CDH13: variants seen among roughly 807,000 people sequenced by gnomAD.
CDH13 encodes the protein cadherin 13, also known as cadherin-13.
CDH13 carries 24 observed loss-of-function variants against 63.8 expected under a neutral mutation model. That is an observed-to-expected ratio of 0.38 (90% confidence interval 0.27 to 0.53). The LOEUF is 0.53. Among genes scored for constraint, CDH13 ranks in the 20% least tolerant of loss-of-function variants. CDH13 has a pLI of 0.85. For missense variants in CDH13, 1,049 were observed against 903.1 expected (o/e 1.16, Z -2.07); for synonymous variants, 503 against 355.3 (o/e 1.42, Z -4.67).
At chr16:83,683,123 C>A (rs947798807) in intron 10 of CDH13, among the ~76,000 whole-genome samples, 1 of 152,220 alleles carries the variant, frequency 6.6e-6, no homozygotes, top group African/African-American at 2.4e-5. Context: ...GAACCTGTGA[C>A]TACAAAGACA....
intron 7 of CDH13, among the ~76,000 whole-genome samples, chr16:83,561,170 G>A (rs905111828): frequency 6.6e-6 from 1 of 152,016 alleles, no homozygotes; most frequent in African/African-American, 2.4e-5. Flanking sequence ...CTTCAGGCCG[G>A]GCGCAGTGGC....
At chr16:83,701,909 C>T (rs1412400048) in intron 10 of CDH13, among the ~76,000 whole-genome samples, 1 of 152,208 alleles carries the variant, frequency 6.6e-6, no homozygotes, top group African/African-American at 2.4e-5. Context: ...GGTTGATGTC[C>T]AGCTCTGCCA....
intron 5 of CDH13, among the ~76,000 whole-genome samples, chr16:83,344,268 A>C (rs1298555544): frequency 6.6e-6 from 1 of 152,176 alleles, no homozygotes; most frequent in Non-Finnish European, 1.5e-5. Flanking sequence ...TGAGATCTGA[A>C]AGTAGTTCCC....
At chr16:83,427,461 C>T (rs980856559) in intron 6 of CDH13, among the ~76,000 whole-genome samples, 1 of 152,138 alleles carries the variant, frequency 6.6e-6, no homozygotes, top group African/African-American at 2.4e-5. Flanking sequence ...GAATTCTCTT[C>T]TGGAGCCTCC....
At chr16:83,119,712 AAC>A (rs1437004154) in intron 3 of CDH13, among the ~76,000 whole-genome samples, 3 of 152,172 alleles carry the variant, frequency 2.0e-5, no homozygotes, top group Non-Finnish European at 4.4e-5. Context: ...CACACGCACA[AAC>A]ACAGAGAGTT....
chr16:82,695,292 C>A (rs535885304), intron 1 of CDH13, among the ~76,000 whole-genome samples: 1 of 152,254 alleles, frequency 6.6e-6, no homozygotes, highest in Admixed American at 6.5e-5. Context: ...CTTTCTGAAT[C>A]CTCAGATGTA....
At chr16:83,256,945 C>G (rs975389468) in intron 5 of CDH13, among the ~76,000 whole-genome samples, 2 of 151,946 alleles carry the variant, frequency 1.3e-5, no homozygotes, top group Non-Finnish European at 1.5e-5. Flanking sequence ...TTGTTGCTCG[C>G]CTGCTATATG....
intron 6 of CDH13, among the ~76,000 whole-genome samples, chr16:83,351,950 C>G (rs1366066021): frequency 1.3e-5 from 2 of 152,206 alleles, no homozygotes; most frequent in East Asian, 3.8e-4. Flanking sequence ...GGTCATTTCA[C>G]TAGCTGTTTT....
At chr16:83,458,531 T>C (rs1163831902) in intron 6 of CDH13, among the ~76,000 whole-genome samples, 1 of 152,236 alleles carries the variant, frequency 6.6e-6, no homozygotes, top group African/African-American at 2.4e-5. Flanking sequence ...GAGTTCATCT[T>C]ATAACTCATC....
At chr16:83,193,751 G>C (rs1597494349) in intron 4 of CDH13, among the ~76,000 whole-genome samples, 1 of 152,148 alleles carries the variant, frequency 6.6e-6, no homozygotes, top group Non-Finnish European at 1.5e-5. Context: ...GGTAGAAAAA[G>C]AATTCACCTT....
At chr16:83,056,635 A>G (rs904677821) in intron 3 of CDH13, among the ~76,000 whole-genome samples, 1 of 152,200 alleles carries the variant, frequency 6.6e-6, no homozygotes, top group African/African-American at 2.4e-5. Context: ...GAACTAATCT[A>G]TATTGAGCCA....
intron 1 of CDH13, among the ~76,000 whole-genome samples, chr16:82,688,085 T>C (rs1312894605): frequency 6.6e-6 from 1 of 152,118 alleles, no homozygotes; most frequent in African/African-American, 2.4e-5. Flanking sequence ...GATTTTACCT[T>C]TTTGTGAAGC....
intron 6 of CDH13, among the ~76,000 whole-genome samples, chr16:83,397,091 C>A (rs190291709): frequency 1.3e-5 from 2 of 152,150 alleles, no homozygotes; most frequent in Admixed American, 1.3e-4. Flanking sequence ...CTGATCTCAC[C>A]GCCGCCCCCT....
chr16:83,671,103 A>G, intron 9 of CDH13, 131 bp downstream of exon 9: 4 of 785,186 alleles, frequency 5.1e-6, no homozygotes, highest in Non-Finnish European at 8.1e-6. Context: ...GGAATTAACA[A>G]AGGAAAAGGC....
intron 10 of CDH13, among the ~76,000 whole-genome samples, chr16:83,729,709 G>C (rs1351088815): frequency 6.6e-6 from 1 of 152,194 alleles, no homozygotes; most frequent in Non-Finnish European, 1.5e-5. Context: ...CCCATGTAAA[G>C]TGCTTGGAAA....
chr16:82,938,737 A>C (rs2042743602), intron 2 of CDH13, among the ~76,000 whole-genome samples: 4 of 152,224 alleles, frequency 2.6e-5, no homozygotes, highest in Admixed American at 1.3e-4. Flanking sequence ...AGGAGAGTCA[A>C]CGTAGGGTGC....
chr16:83,565,536 A>G (rs1904275124), intron 7 of CDH13, among the ~76,000 whole-genome samples: 1 of 151,940 alleles, frequency 6.6e-6, no homozygotes, highest in African/African-American at 2.4e-5. Flanking sequence ...GCTTGGATGA[A>G]TTCTGGGAAC....
chr16:83,463,960 A>C (rs1443444210), intron 6 of CDH13, among the ~76,000 whole-genome samples: 1 of 152,128 alleles, frequency 6.6e-6, no homozygotes, highest in African/African-American at 2.4e-5. Context: ...AGCACTAAGG[A>C]CCACCACTTT....
chr16:82,672,006 G>C (rs896321465), intron 1 of CDH13, among the ~76,000 whole-genome samples: 2 of 152,078 alleles, frequency 1.3e-5, no homozygotes, highest in African/African-American at 2.4e-5. Flanking sequence ...GGAAAGAATG[G>C]CATCATTTCC....
Sources: gnomAD v4.1 joint callset for allele counts (sites outside exome capture counted in the v4.1 genomes callset) on GRCh38, gnomAD v4.1.1 for gene constraint, MANE v1.5 for transcripts, NCBI Gene and HGNC (gene_info 2026-07-23, HGNC 2026-07-21) for gene names.